Variants in RBFOX3 observed in about 807,000 individuals in gnomAD.
RBFOX3 encodes RNA binding fox-1 homolog 3, also known as RNA binding protein fox-1 homolog 3.
A neutral mutation model predicts 48.7 loss-of-function variants in RBFOX3; 17 were observed. The ratio of observed to expected loss-of-function variants is 0.35; its 90% CI spans 0.24 to 0.52. RBFOX3 has a LOEUF of 0.52. Ranked by LOEUF, RBFOX3 falls within the 20% of genes least tolerant of loss-of-function variation. The pLI, the probability that RBFOX3 is intolerant of heterozygous loss-of-function variation, is 0.94. For missense variants in RBFOX3, 382 were observed against 497.5 expected (o/e 0.77, Z 2.21); for synonymous variants, 212 against 209.5 (o/e 1.01, Z -0.10).
intron 1 of RBFOX3, among the ~76,000 whole-genome samples, chr17:79,488,905 G>A (rs1416705761): frequency 6.6e-6 from 1 of 152,234 alleles, no homozygotes; most frequent in African/African-American, 2.4e-5. Context: ...GCTTGTGAAA[G>A]AGCCATTTAG....
the RBFOX3 span, among the ~76,000 whole-genome samples, chr17:79,656,869 G>GA: frequency 2.3e-5 from 3 of 131,168 alleles, no homozygotes; most frequent in South Asian, 3.0e-4. Flanking sequence ...AGGAGGGAGG[G>GA]AGGGAAGGAA....
At chr17:79,197,822 A>G (rs1855654301) in intron 4 of RBFOX3, among the ~76,000 whole-genome samples, 1 of 151,872 alleles carries the variant, frequency 6.6e-6, no homozygotes, top group Admixed American at 6.6e-5. Flanking sequence ...GCAGAGAGGG[A>G]CGGAGAAAAC....
At chr17:79,093,194 G>T (rs867188019) in intron 14 of RBFOX3, among the ~76,000 whole-genome samples, 2 of 152,294 alleles carry the variant, frequency 1.3e-5, no homozygotes, top group African/African-American at 4.8e-5. Context: ...CTGTCCTACT[G>T]GGGAGAGCGG....
At chr17:79,330,882 C>T (rs566756937) in intron 2 of RBFOX3, among the ~76,000 whole-genome samples, 1 of 152,200 alleles carries the variant, frequency 6.6e-6, no homozygotes, top group African/African-American at 2.4e-5. Flanking sequence ...GGTCTCAGGG[C>T]TCTGACAGCC....
At chr17:79,623,310 G>C in the RBFOX3 span, among the ~76,000 whole-genome samples, 1 of 152,194 alleles carries the variant, frequency 6.6e-6, no homozygotes, top group Non-Finnish European at 1.5e-5. Context: ...CAGCCTGGGC[G>C]CTGAGTTTGA....
intron 1 of RBFOX3, among the ~76,000 whole-genome samples, chr17:79,572,814 C>T (rs1335011443): frequency 6.6e-6 from 1 of 152,190 alleles, no homozygotes; most frequent in African/African-American, 2.4e-5. Context: ...AATGGCCACG[C>T]TGCAGGGACG....
intron 2 of RBFOX3, among the ~76,000 whole-genome samples, chr17:79,310,637 G>C (rs549479189): frequency 5.9e-5 from 9 of 152,140 alleles, no homozygotes; most frequent in Non-Finnish European, 1.2e-4. Context: ...CAGAGGAGAA[G>C]GACCTCCACC....
At chr17:79,545,201 C>T (rs145314138) in intron 1 of RBFOX3, among the ~76,000 whole-genome samples, 128 of 152,272 alleles carry the variant, frequency 8.4e-4, no homozygotes, top group African/African-American at 3.0e-3. Context: ...CTTGCATGCA[C>T]GCTAAGAGAA....
At chr17:79,280,235 ATG>A (rs1429304003) in intron 3 of RBFOX3, among the ~76,000 whole-genome samples, 1 of 51,470 alleles carries the variant, frequency 1.9e-5, no homozygotes, top group Non-Finnish European at 3.6e-5. Flanking sequence ...ACACGCACAC[ATG>A]CACACACACA....
At chr17:79,157,649 C>A (rs866415307) in intron 4 of RBFOX3, among the ~76,000 whole-genome samples, 4 of 152,176 alleles carry the variant, frequency 2.6e-5, no homozygotes, top group Non-Finnish European at 5.9e-5. Flanking sequence ...TCTCCTTGTC[C>A]CAGGAGAGCC....
chr17:79,366,561 C>T (rs1390672687), intron 2 of RBFOX3, among the ~76,000 whole-genome samples: 1 of 152,248 alleles, frequency 6.6e-6, no homozygotes, highest in Non-Finnish European at 1.5e-5. Flanking sequence ...CTTCCCAGCT[C>T]CTGCTGTCTG....
At chr17:79,653,862 G>C in the RBFOX3 span, among the ~76,000 whole-genome samples, 1 of 139,164 alleles carries the variant, frequency 7.2e-6, no homozygotes. Flanking sequence ...AGGCAACATA[G>C]CAGGACCCTG....
At chr17:79,388,661 C>A (rs1262121296) in intron 2 of RBFOX3, among the ~76,000 whole-genome samples, 1 of 152,182 alleles carries the variant, frequency 6.6e-6, no homozygotes, top group African/African-American at 2.4e-5. Flanking sequence ...GCAGCACTAC[C>A]CTCTAGTGGC....
intron 1 of RBFOX3, among the ~76,000 whole-genome samples, chr17:79,570,665 C>T (rs1186188441): frequency 6.6e-6 from 1 of 152,194 alleles, no homozygotes; most frequent in Non-Finnish European, 1.5e-5. Context: ...GTCACCTGGA[C>T]AGCATTTCCA....
chr17:79,611,130 TTCTC>T (rs1173570495), upstream of RBFOX3, among the ~76,000 whole-genome samples: 10 of 37,816 alleles, frequency 2.6e-4, no homozygotes, highest in African/African-American at 2.5e-3. Context: ...TCCGCCCTCC[TTCTC>T]TCTCTCTCTC....
intron 1 of RBFOX3, among the ~76,000 whole-genome samples, chr17:79,573,392 A>C (rs2092747476): frequency 1.3e-5 from 2 of 152,218 alleles, no homozygotes; most frequent in Non-Finnish European, 2.9e-5. Flanking sequence ...TGCAGTCCCC[A>C]GCCGTGCTTT....
rs1003269839 is a variant in RBFOX3 at position 79,364,652 on chromosome 17, G to A, written c.-174-56828C>T. 1.3e-5 allele frequency among the ~76,000 whole-genome samples: 2 copies of A among 152,168 alleles called. No homozygotes were observed. The highest frequency in any genetic ancestry group is 6.5e-5 in the Admixed American group (1 of 15,278). The stretch of plus-strand genomic sequence containing the variant: ...GACGGGGAGCGGGCGTGAGCAGGTC[G>A]GATAGCCTGCTGTTTGCTTTCTGGT... On this transcript the variant is annotated intron_variant, in intron 2 of 14. Coordinates refer to ENST00000693108, the MANE Select transcript of RBFOX3 (RefSeq NM_001350451.2). This position sits in a 1 kb window ranked among gnomAD's most constrained non-coding sequence, Gnocchi z 5.1.
At chr17:79,276,790 G>A (rs2068952697) in intron 3 of RBFOX3, among the ~76,000 whole-genome samples, 1 of 152,234 alleles carries the variant, frequency 6.6e-6, no homozygotes, top group Non-Finnish European at 1.5e-5. Context: ...GTTCTCAGCA[G>A]TCCACGTGCA....
chr17:79,332,023 C>T (rs1306865957), intron 2 of RBFOX3, among the ~76,000 whole-genome samples: 2 of 152,214 alleles, frequency 1.3e-5, no homozygotes, highest in East Asian at 3.8e-4. Context: ...TGAGCAACCA[C>T]GTGTCCAGAC....
Sources: allele counts gnomAD v4.1 joint callset (sites outside exome capture counted in the v4.1 genomes callset), GRCh38; gene constraint gnomAD v4.1.1; non-coding constraint Gnocchi (gnomAD v3.1); transcripts MANE v1.5; gene names NCBI Gene and HGNC (gene_info 2026-07-23, HGNC 2026-07-21).